WDR64: variants seen among roughly 807,000 people sequenced by gnomAD.
WDR64 encodes WD repeat domain 64.
A neutral mutation model predicts 139.3 loss-of-function variants in WDR64; 112 were observed. The ratio of observed to expected loss-of-function variants is 0.80; its 90% CI spans 0.69 to 0.94. The LOEUF (loss-of-function observed/expected upper bound fraction) is 0.94, where lower values mean the gene tolerates loss of function less well. Among genes scored for constraint, WDR64 ranks in the 40% least tolerant of loss-of-function variants. The pLI is 0.00. For missense variants in WDR64, 1,206 were observed against 1,293.1 expected, an observed-to-expected ratio of 0.93 and a Z score of 1.03; for synonymous variants, 444 against 437.7, an observed-to-expected ratio of 1.01 and a Z score of -0.18.
chr1:241,742,831 C>T (rs1184651826), intron 12 of WDR64, among the ~76,000 whole-genome samples: 1 of 152,204 alleles, frequency 6.6e-6, no homozygotes, highest in Non-Finnish European at 1.5e-5. Context: ...CACAGCATTT[C>T]CTAGAGGCCA....
chr1:241,659,617 T>C (rs1665745112), intron 1 of WDR64, among the ~76,000 whole-genome samples: 1 of 152,242 alleles, frequency 6.6e-6, no homozygotes, highest in Non-Finnish European at 1.5e-5. Flanking sequence ...TGGTATAAGA[T>C]ATTATCTCAT....
At chr1:241,708,533 C>T (rs1013079780) in intron 8 of WDR64, among the ~76,000 whole-genome samples, 8 of 151,844 alleles carry the variant, frequency 5.3e-5, no homozygotes, top group Non-Finnish European at 1.0e-4. Context: ...AGGCTGGTCT[C>T]GACCTCCTGA....
Position 241,671,180 on chromosome 1 carries a change from A to G in WDR64, c.379+4A>G, listed in dbSNP as rs924189145. ...AAAAGGCGAATTTTAATTTCAGGTG[A>G]CATTTTAATTTTCTCTTCCAAATTA... On this transcript the variant is annotated splice_donor_region_variant and intron_variant, in intron 3 of 27. Transcript: ENST00000437684. The G allele has an allele frequency of 1.5e-5, 23 of 1,531,826 alleles. No individual in the cohort carries two copies. The highest frequency in any genetic ancestry group is 2.0e-5 in the Admixed American group (1 of 50,250). The allele number at this position is 1,531,826 out of a possible 1,614,324, so 94.9% of individuals were successfully genotyped here.
At chr1:241,711,055 G>A (rs1490378349) in intron 8 of WDR64, among the ~76,000 whole-genome samples, 2 of 152,092 alleles carry the variant, frequency 1.3e-5, no homozygotes, top group Non-Finnish European at 2.9e-5. Context: ...TGTCCAACAT[G>A]GTTAAACACT....
rs1022090336 is a variant in WDR64, at chr1:241,738,621, A to C, written c.1321+132A>C. ...AATTTATCAAACCATGATTCGTGAC[A>C]GTAGATATTTAATTCAATTCTGCTC... On this transcript the variant is annotated intron_variant, in intron 11 of 27. Transcript: ENST00000437684. The C allele has an allele frequency of 3.1e-6, 3 of 960,986 alleles. No individual in the cohort carries two copies. The African/African-American group carries it at 5.1e-5, about 16-fold the overall frequency. The allele number at this position is 960,986 out of a possible 1,614,324, so 59.5% of individuals were successfully genotyped here.
chr1:241,723,632 G>A (rs1028594578), intron 10 of WDR64, among the ~76,000 whole-genome samples, 196 bp downstream of exon 10: 3 of 151,966 alleles, frequency 2.0e-5, no homozygotes, highest in African/African-American at 7.2e-5. Flanking sequence ...GTAAGAACAC[G>A]TTTAAAAACA....
At chr1:241,672,435 A>AT (rs1228010257) in intron 3 of WDR64, among the ~76,000 whole-genome samples, 1 of 152,176 alleles carries the variant, frequency 6.6e-6, no homozygotes, top group East Asian at 1.9e-4. Flanking sequence ...CTTTGCAAGT[A>AT]TTTTTCTAGA....
intron 10 of WDR64, among the ~76,000 whole-genome samples, chr1:241,732,990 T>C (rs1669148878): frequency 6.6e-6 from 1 of 152,178 alleles, no homozygotes; most frequent in Non-Finnish European, 1.5e-5. Context: ...TCAAACTTCT[T>C]CTACTTCATC....
At position 241,652,608 on chromosome 1, in the gene WDR64, G is replaced by A. The variant is rs1259436214; in HGVS notation, c.124G>A (p.Gly42Ser). Residue 42 changes from glycine to serine, a missense_variant, in exon 1 of 28, where the codon GGC becomes AGC. Coordinates refer to ENST00000437684, the MANE Select transcript of WDR64 (RefSeq NM_001367482.1). ...AGCCCAGAAAAGAGATGAAAGAGCA[G>A]GCTTATTTATCCATAAAGAAGGTAA... ...TAAQKRDERAGLFIHKEDAIG... is the reference protein window; with the variant it reads ...TAAQKRDERASLFIHKEDAIG... 6.4e-7 allele frequency: 1 copy of A among 1,551,562 alleles called. No homozygotes were observed. The highest frequency in any genetic ancestry group is 8.7e-7 in the Non-Finnish European group (1 of 1,147,012).
chr1:241,749,767 G>A (rs774906156), intron 14 of WDR64, 45 bp downstream of exon 14: 2 of 1,595,684 alleles, frequency 1.3e-6, no homozygotes, highest in African/African-American at 1.3e-5. Context: ...GCCCTTTTTG[G>A]GAAAATCAAA....
chr1:241,668,682 G>T (rs1666111684), intron 2 of WDR64, among the ~76,000 whole-genome samples: 1 of 152,084 alleles, frequency 6.6e-6, no homozygotes, highest in Non-Finnish European at 1.5e-5. Context: ...AGGCTGAGGT[G>T]GGCAGATCAC....
intron 4 of WDR64, among the ~76,000 whole-genome samples, chr1:241,675,055 TCTCCCTTCCTCCTTCCTGCCTCC>T (rs1666448215): frequency 4.2e-5 from 1 of 23,678 alleles, no homozygotes; most frequent in African/African-American, 1.5e-4. Flanking sequence ...TCCTTCCTTT[TCTCCCTTCCTCCTTCCTGCCTCC>T]CTCCCTTCAT....
At position 241,741,622 on chromosome 1, in the gene WDR64, T is replaced by C. The variant is rs1173795560; in HGVS notation, c.1428T>C (p.Tyr476=). The change falls in exon 12 of 28, where the codon TAT becomes TAC. Residue 476 remains tyrosine (Y), a synonymous_variant. Transcript: ENST00000437684. ...TCAATGTCATGCTTTACAACAAATATTTTCATCAAGTACTCACTATCTGCT... is the reference window on the plus strand; with the variant it reads ...TCAATGTCATGCTTTACAACAAATACTTTCATCAAGTACTCACTATCTGCT... The part of the protein sequence containing the change: ...REINVMLYNK[Y]FHQVLTICSE... 2.5e-6 allele frequency: 4 copies of C among 1,612,966 alleles called. No homozygotes were observed.
intron 7 of WDR64, among the ~76,000 whole-genome samples, chr1:241,684,125 T>C (rs1300688954): frequency 6.6e-6 from 1 of 152,214 alleles, no homozygotes; most frequent in Non-Finnish European, 1.5e-5. Flanking sequence ...AAAAGTTTGA[T>C]AGATTTGACT....
intron 15 of WDR64, among the ~76,000 whole-genome samples, chr1:241,760,759 A>ATTTTTTTTTTTTT (rs71174847): frequency 3.4e-5 from 3 of 87,056 alleles, no homozygotes; most frequent in African/African-American, 8.9e-5. Flanking sequence ...GTGGGTTTCC[A>ATTTTTTTTTTTTT]TTTTTTTTTT....
At chr1:241,785,577 T>C (rs188350908) in intron 23 of WDR64, among the ~76,000 whole-genome samples, 153 of 152,288 alleles carry the variant, frequency 1.0e-3, no homozygotes, top group Non-Finnish European at 1.8e-3. Context: ...CCAGTTATCC[T>C]TGGCATGGAG....
rs7554126 is a variant in WDR64 at position 241,723,879 on chromosome 1, C to T, written c.1194+443C>T. 9.3e-3 allele frequency among the ~76,000 whole-genome samples: 1,415 copies of T among 151,772 alleles called. 24 individuals are homozygous for T. The highest frequency in any genetic ancestry group is 0.031 in the African/African-American group (1,293 of 41,442). On this transcript the variant is annotated intron_variant, in intron 10 of 27. Coordinates refer to ENST00000437684, the MANE Select transcript of WDR64 (RefSeq NM_001367482.1). ...TTACCTGCTTGAAAAGAGATCAATACAATCAACTTTCAGTGTAGGAATAGA... is the reference window on the plus strand; with the variant it reads ...TTACCTGCTTGAAAAGAGATCAATATAATCAACTTTCAGTGTAGGAATAGA...
At chr1:241,718,772 G>A (rs999497159) in intron 9 of WDR64, among the ~76,000 whole-genome samples, 9 of 152,082 alleles carry the variant, frequency 5.9e-5, no homozygotes, top group African/African-American at 1.2e-4. Flanking sequence ...AGTTTCTGGC[G>A]AGAGCTCTCT....
chr1:241,778,458 CTTTGT>C (rs750287002), intron 21 of WDR64, among the ~76,000 whole-genome samples: 7 of 152,120 alleles, frequency 4.6e-5, no homozygotes, highest in African/African-American at 1.2e-4. Flanking sequence ...CTGACACTCT[CTTTGT>C]TTTAACTGGT....
Sources: allele counts gnomAD v4.1 joint callset (sites outside exome capture counted in the v4.1 genomes callset), GRCh38; gene constraint gnomAD v4.1.1; transcripts MANE v1.5; gene names NCBI Gene and HGNC (gene_info 2026-07-23, HGNC 2026-07-21).